Variants in KIF13A observed in about 807,000 individuals in gnomAD.
KIF13A encodes the protein kinesin-like protein KIF13A.
In KIF13A, 79 loss-of-function variants were observed where a neutral mutation model predicts 212.2. The observed-to-expected ratio is 0.37, with a 90% confidence interval of 0.31 to 0.45. KIF13A has a LOEUF of 0.45. Among genes scored for constraint, KIF13A ranks in the 20% least tolerant of loss-of-function variants. The probability of loss-of-function intolerance (pLI) is 1.00; values close to 1 mark genes in which losing one functional copy is unlikely to be tolerated. For synonymous variants in KIF13A, 789 were observed against 808.6 expected (o/e 0.98, Z 0.41); for missense variants, 1,901 against 2,209.0 (o/e 0.86, Z 2.79).
chr6:17,844,813 C>T (rs988725176), intron 9 of KIF13A, among the ~76,000 whole-genome samples: 1 of 152,174 alleles, frequency 6.6e-6, no homozygotes, highest in African/African-American at 2.4e-5. Context: ...AGGACACCCA[C>T]CCTTGAGTAA....
intron 2 of KIF13A, among the ~76,000 whole-genome samples, chr6:17,905,213 A>G (rs1420515379): frequency 6.6e-6 from 1 of 152,188 alleles, no homozygotes; most frequent in Non-Finnish European, 1.5e-5. Context: ...TCTTCTTCCA[A>G]TGTGGCCCAG....
intron 16 of KIF13A, among the ~76,000 whole-genome samples, chr6:17,821,625 C>T (rs1053265214): frequency 8.7e-6 from 1 of 114,454 alleles, no homozygotes; most frequent in Non-Finnish European, 1.9e-5. Flanking sequence ...AGGAACATTC[C>T]TCAATGAAGA....
At chr6:17,877,367 A>G (rs1478034538) in intron 3 of KIF13A, among the ~76,000 whole-genome samples, 1 of 152,190 alleles carries the variant, frequency 6.6e-6, no homozygotes, top group African/African-American at 2.4e-5. Flanking sequence ...GTTTCAGCCA[A>G]GAGAATGTGG....
At position 17,871,932 on chromosome 6, in the gene KIF13A, A is replaced by G. The variant is rs1211975773; in HGVS notation, c.220+1445T>C. Among the ~76,000 whole-genome samples the G allele has an allele frequency of 6.6e-6, 1 of 152,240 alleles. No homozygotes were observed. The highest frequency in any genetic ancestry group is 1.5e-5 in the Non-Finnish European group (1 of 68,034). ...TACTTTTGTTGTTGATTTAAATCTA[A>G]AAGTACACACCCGGCACAAAAATAC... On this transcript the variant is annotated intron_variant, in intron 4 of 38. Coordinates refer to ENST00000259711, the MANE Select transcript of KIF13A (RefSeq NM_022113.6). The surrounding 1 kb of genome is among the most constrained non-coding windows in gnomAD (Gnocchi z 4.4).
intron 9 of KIF13A, among the ~76,000 whole-genome samples, chr6:17,842,130 C>A (rs1479032373): frequency 6.6e-6 from 1 of 151,774 alleles, no homozygotes; most frequent in Non-Finnish European, 1.5e-5. Context: ...CTCACTGCAG[C>A]CTTGATCTCC....
chr6:17,787,342 T>C lies in KIF13A; in HGVS notation c.3361+434A>G, dbSNP rs997650671. Among the ~76,000 whole-genome samples the C allele has an allele frequency of 2.6e-5, 4 of 152,222 alleles. No individual in the cohort carries two copies. The highest frequency in any genetic ancestry group is 9.6e-5 in the African/African-American group (4 of 41,458). Reference sequence around the variant, plus strand: ...GTATAATATGATTGACTGATGTCTATAATTGTTACAAGTTCACAAAACTAA... The same window carrying C: ...GTATAATATGATTGACTGATGTCTACAATTGTTACAAGTTCACAAAACTAA... On this transcript the variant is annotated intron_variant, in intron 27 of 38. Coordinates refer to ENST00000259711, the MANE Select transcript of KIF13A (RefSeq NM_022113.6). The surrounding 1 kb of genome is among the most constrained non-coding windows in gnomAD (Gnocchi z 4.6).
rs753172812 is a variant in KIF13A, at chr6:17,771,516, C to T, written c.4477-298G>A. 6 of 402,874 alleles carry T rather than the reference C, an allele frequency of 1.5e-5. No homozygotes were observed. Among genetic ancestry groups the T allele is most frequent in the Non-Finnish European group, 2.7e-5 (6 of 225,612 alleles). The allele number at this position is 402,874 out of a possible 1,614,324, so 25.0% of individuals were successfully genotyped here. ...CTGGGGCAAAAGAATCACTTGAGGC[C>T]AGGAGTTTCAGACCAGCCTGGGCAA... is the stretch of plus-strand genomic sequence containing the variant. On this transcript the variant is annotated intron_variant, in intron 37 of 38. Transcript: ENST00000259711. The surrounding 1 kb of genome is among the most constrained non-coding windows in gnomAD (Gnocchi z 5.4).
At chr6:17,830,400 C>G (rs1765342465) in intron 13 of KIF13A, among the ~76,000 whole-genome samples, 1 of 152,074 alleles carries the variant, frequency 6.6e-6, no homozygotes, top group Admixed American at 6.6e-5. Context: ...GTCTTAGGGT[C>G]CAATACAGTA....
intron 4 of KIF13A, among the ~76,000 whole-genome samples, chr6:17,870,410 A>G (rs1048862336): frequency 2.0e-5 from 3 of 152,198 alleles, no homozygotes; most frequent in Admixed American, 2.0e-4. Flanking sequence ...GAGTTTCACA[A>G]CTAAATTTTA....
chr6:17,857,947 T>A (rs1462474471), intron 4 of KIF13A, among the ~76,000 whole-genome samples: 1 of 150,462 alleles, frequency 6.6e-6, no homozygotes, highest in Non-Finnish European at 1.5e-5. Flanking sequence ...ATATACTACA[T>A]AACATTTTTA....
At chr6:17,884,950 G>A (rs1412899726) in intron 3 of KIF13A, among the ~76,000 whole-genome samples, 2 of 152,130 alleles carry the variant, frequency 1.3e-5, no homozygotes, top group African/African-American at 2.4e-5. Context: ...ATATGAAAGC[G>A]ACACTTCAAA....
intron 6 of KIF13A, among the ~76,000 whole-genome samples, chr6:17,854,551 T>TC (rs1767970286): frequency 1.7e-5 from 1 of 58,878 alleles, no homozygotes; most frequent in Non-Finnish European, 3.5e-5. Context: ...GTATAATTTT[T>TC]TTTTTTTTTT....
rs1044411356 is a variant in KIF13A, at chr6:17,838,151, A to G, written c.831-568T>C. On this transcript the variant is annotated intron_variant, in intron 9 of 38. Transcript: ENST00000259711. The surrounding 1 kb of genome is among the most constrained non-coding windows in gnomAD (Gnocchi z 4.2). ...ATCCTGGCCAACATGGTGAAACCCCATCTCTACTAAAAATACAAAAATTGC... is the reference window on the plus strand; with the variant it reads ...ATCCTGGCCAACATGGTGAAACCCCGTCTCTACTAAAAATACAAAAATTGC... 3.3e-4 allele frequency among the ~76,000 whole-genome samples: 50 copies of G among 151,664 alleles called. No homozygotes were observed. The highest frequency in any genetic ancestry group is 6.9e-4 in the Non-Finnish European group (47 of 67,920).
At chr6:17,865,172 TATG>T (rs1470382176) in intron 4 of KIF13A, among the ~76,000 whole-genome samples, 5,311 of 152,282 alleles carry the variant, frequency 0.035, 314 homozygotes, top group African/African-American at 0.12. Flanking sequence ...AGACCTGGCA[TATG>T]CACAGAGTAT....
intron 3 of KIF13A, among the ~76,000 whole-genome samples, chr6:17,884,162 G>A (rs1771334407): frequency 6.6e-6 from 1 of 152,052 alleles, no homozygotes; most frequent in Non-Finnish European, 1.5e-5. Flanking sequence ...CCTCTGGGCT[G>A]TCTTAGCCAA....
intron 2 of KIF13A, among the ~76,000 whole-genome samples, chr6:17,920,873 CAAAA>C (rs10707103): frequency 1.1e-4 from 15 of 135,154 alleles, no homozygotes; most frequent in Admixed American, 1.5e-4. Context: ...GACTATGTCT[CAAAA>C]AAAAAAAAAA....
chr6:17,878,832 A>G (rs1190303871), intron 3 of KIF13A, among the ~76,000 whole-genome samples: 1 of 152,244 alleles, frequency 6.6e-6, no homozygotes, highest in Non-Finnish European at 1.5e-5. Context: ...TCAGACAAAT[A>G]TTAAAACCCT....
chr6:17,811,014 G>C lies in KIF13A; in HGVS notation c.2001-2084C>G, dbSNP rs1763387508. On this transcript the variant is annotated intron_variant, in intron 17 of 38. Transcript: ENST00000259711. This position sits in a 1 kb window ranked among gnomAD's most constrained non-coding sequence, Gnocchi z 6.0. ...CCCCTGTTCTAGACTACACGAAACA[G>C]TTCTTTTGCAGTCTCCCAAATACAT... 6.6e-6 allele frequency among the ~76,000 whole-genome samples: 1 copy of C among 152,210 alleles called. No homozygotes were observed. The highest frequency in any genetic ancestry group is 1.5e-5 in the Non-Finnish European group (1 of 68,036).
rs988713421 is a variant in KIF13A, at chr6:17,769,655, G to A, written c.4581+1459C>T. Among the ~76,000 whole-genome samples the A allele has an allele frequency of 6.6e-6, 1 of 150,474 alleles. No homozygotes were observed. The highest frequency in any genetic ancestry group is 1.5e-5 in the Non-Finnish European group (1 of 67,890). On this transcript the variant is annotated intron_variant, in intron 38 of 38. Transcript: ENST00000259711. The surrounding 1 kb of genome is among the most constrained non-coding windows in gnomAD (Gnocchi z 5.8). The stretch of plus-strand genomic sequence containing the variant: ...TGATGGTGTTGTACCAAAATGTATC[G>A]TTGCAATAGGTTTAAATTGAGTGGC...
Sources: allele counts gnomAD v4.1 joint callset (sites outside exome capture counted in the v4.1 genomes callset), GRCh38; gene constraint gnomAD v4.1.1; non-coding constraint Gnocchi (gnomAD v3.1); transcripts MANE v1.5; gene names NCBI Gene and HGNC (gene_info 2026-07-23, HGNC 2026-07-21).